The following TDRP variants were observed in gnomAD, a reference collection of about 807,000 sequenced individuals.
TDRP encodes the protein testis development related protein.
A neutral mutation model predicts 10.5 loss-of-function variants in TDRP; 12 were observed. That is an observed-to-expected ratio of 1.15 (90% CI 0.73 to 1.86). The LOEUF is 1.86. Ranked by LOEUF, TDRP falls within the 40% of genes most tolerant of loss-of-function variation. The pLI, the probability that TDRP is intolerant of heterozygous loss-of-function variation, is 0.00. For missense variants in TDRP, 353 were observed against 229.2 expected (o/e 1.54, Z -3.49); for synonymous variants, 139 against 95.4 (o/e 1.46, Z -2.67).
At chr8:515,571 C>T (rs1801735736) in intron 1 of TDRP, among the ~76,000 whole-genome samples, 1 of 152,200 alleles carries the variant, frequency 6.6e-6, no homozygotes, top group Non-Finnish European at 1.5e-5. Context: ...GAGCATTTCA[C>T]ATTTTTAGAT....
intron 1 of TDRP, among the ~76,000 whole-genome samples, chr8:529,854 T>A (rs1254456245): frequency 6.6e-6 from 1 of 152,216 alleles, no homozygotes; most frequent in Non-Finnish European, 1.5e-5. Context: ...GTGGGCTTCT[T>A]TACCCTTTCT....
chr8:496,377 G>A (rs915085077), intron 1 of TDRP, among the ~76,000 whole-genome samples: 1 of 152,182 alleles, frequency 6.6e-6, no homozygotes, highest in Non-Finnish European at 1.5e-5. Flanking sequence ...CTGGAGGAAG[G>A]ACCATGTGCA....
At chr8:537,164 G>A (rs1449942284) in intron 1 of TDRP, among the ~76,000 whole-genome samples, 1 of 152,216 alleles carries the variant, frequency 6.6e-6, no homozygotes, top group African/African-American at 2.4e-5. Context: ...GCACTGCTGA[G>A]CCCCACGTGG....
At position 491,359 on chromosome 8, in the gene TDRP, C is replaced by T. The variant is rs924192912; in HGVS notation, c.*1040G>A. ...TGCAGGACTTGCTGATAAGAGCCAA[C>T]CTTCCAGGGACGCATAACTGGCACC... is the stretch of plus-strand genomic sequence containing the variant. On this transcript the variant is annotated 3_prime_UTR_variant, in exon 3 of 3. Coordinates refer to ENST00000324079, the MANE Select transcript of TDRP (RefSeq NM_001384899.1). The T allele has an allele frequency of 1.4e-5, 5 of 365,080 alleles. No individual in the cohort carries two copies. Among genetic ancestry groups the T allele is most frequent in the African/African-American group, 2.1e-5 (1 of 47,984 alleles). The allele number at this position is 365,080 out of a possible 1,614,324, so 22.6% of individuals were successfully genotyped here.
chr8:543,990 T>A (rs1802568895), intron 1 of TDRP, among the ~76,000 whole-genome samples: 1 of 152,066 alleles, frequency 6.6e-6, no homozygotes, highest in Non-Finnish European at 1.5e-5. Context: ...GGGAGCCCTT[T>A]CAATTACAAA....
chr8:512,275 A>ACAAC (rs928496652), intron 1 of TDRP, among the ~76,000 whole-genome samples: 3 of 137,848 alleles, frequency 2.2e-5, no homozygotes, highest in African/African-American at 5.5e-5. Context: ...AACAACAACA[A>ACAAC]AAAAAAAAAT....
intron 1 of TDRP, among the ~76,000 whole-genome samples, chr8:518,749 T>C (rs889822134): frequency 2.2e-5 from 3 of 133,530 alleles, no homozygotes; most frequent in African/African-American, 5.5e-5. Context: ...GAAAAGTAAA[T>C]AGATTCCACC....
chr8:503,705 C>A lies in TDRP; in HGVS notation c.109-9108G>T, dbSNP rs554580145. ...GAATCCACGCCCACATCAGCACACA[C>A]CAGCATGGAATCCAGAGCTACACAT... On this transcript the variant is annotated intron_variant, in intron 1 of 2. Coordinates refer to ENST00000324079, the MANE Select transcript of TDRP (RefSeq NM_001384899.1). Among the ~76,000 whole-genome samples, 146 of 141,916 alleles carry A rather than the reference C, an allele frequency of 1.0e-3. 3 individuals carry two copies. In the South Asian group the frequency reaches 0.033, roughly 32 times the overall value. The allele number at this position is 141,916 out of a possible 152,430, so 93.1% of individuals were successfully genotyped here.
intron 1 of TDRP, among the ~76,000 whole-genome samples, chr8:513,353 T>C (rs1038138951): frequency 8.5e-5 from 13 of 152,106 alleles, no homozygotes; most frequent in Non-Finnish European, 1.6e-4. Flanking sequence ...GAAAGAAAGG[T>C]TAGCTCAACA....
Position 491,853 on chromosome 8 carries a change from T to C in TDRP, c.*546A>G, listed in dbSNP as rs201418126. ...TTAAGATACATTTTACTCCCAAATA[T>C]AAGCTTTGCTTTTCCAGTATTTGTT... On this transcript the variant is annotated 3_prime_UTR_variant, in exon 3 of 3. Coordinates refer to ENST00000324079, the MANE Select transcript of TDRP (RefSeq NM_001384899.1). 5 of 1,221,136 alleles carry C rather than the reference T, an allele frequency of 4.1e-6. No individual in the cohort carries two copies. In the East Asian group the frequency reaches 1.7e-4, roughly 41 times the overall value. The allele number at this position is 1,221,136 out of a possible 1,614,324, so 75.6% of individuals were successfully genotyped here.
At position 509,051 on chromosome 8, in the gene TDRP, C is replaced by G. The variant is rs138227005; in HGVS notation, c.109-14454G>C. On this transcript the variant is annotated intron_variant, in intron 1 of 2. Transcript: ENST00000324079. ...ATCTCCTTTGACTCCATGTCTCACA[C>G]AACCAGCTCGTGCTGATGCAAGAGA... Among the ~76,000 whole-genome samples, 493 of 152,368 alleles carry G rather than the reference C, an allele frequency of 3.2e-3. 3 individuals are homozygous for G. Among genetic ancestry groups the G allele is most frequent in the African/African-American group, 0.011 (465 of 41,594 alleles).
In TDRP at chr8:492,683, A is replaced by C. The variant is rs755887307; in HGVS notation, c.274T>G (p.Leu92Val). The C allele has an allele frequency of 4.3e-6, 7 of 1,613,858 alleles. No homozygotes were observed. In the South Asian group the frequency reaches 7.7e-5, roughly 18 times the overall value. The change falls in exon 3 of 3, where the codon TTG (leucine) becomes GTG (valine). Residue 92 changes from leucine to valine, a missense_variant. Leu to Val is a conservative substitution (Grantham distance 32). Transcript: ENST00000324079. ...GACTGTATATTCTGTTTTAAAACCA[A>C]ATTGTCCCAAAATCCAGATTTCTTC... ...AEKKSGFWDNLVLKQNIQSKK... is the reference protein window; with the variant it reads ...AEKKSGFWDNVVLKQNIQSKK...
At chr8:497,285 T>C (rs1801161512) in intron 1 of TDRP, among the ~76,000 whole-genome samples, 1 of 152,204 alleles carries the variant, frequency 6.6e-6, no homozygotes. Context: ...CAGGATTAGG[T>C]AGTCTCAAAT....
At chr8:513,936 A>G (rs1404623529) in intron 1 of TDRP, among the ~76,000 whole-genome samples, 2 of 152,234 alleles carry the variant, frequency 1.3e-5, no homozygotes, top group African/African-American at 4.8e-5. Flanking sequence ...AATATGCTTA[A>G]AATGTTTAAA....
chr8:519,614 TTCTC>T (rs1801845643), intron 1 of TDRP, among the ~76,000 whole-genome samples: 1 of 152,156 alleles, frequency 6.6e-6, no homozygotes, highest in Non-Finnish European at 1.5e-5. Flanking sequence ...CCATTCTGCT[TTCTC>T]TAAGAGTTTG....
At chr8:537,134 C>T (rs1236388212) in intron 1 of TDRP, among the ~76,000 whole-genome samples, 4 of 152,228 alleles carry the variant, frequency 2.6e-5, no homozygotes, top group Non-Finnish European at 5.9e-5. Flanking sequence ...AACCCCACAC[C>T]AGGTACACTC....
intron 1 of TDRP, among the ~76,000 whole-genome samples, chr8:501,615 GGGATTACA>G (rs1801303704): frequency 6.6e-6 from 1 of 152,174 alleles, no homozygotes; most frequent in Non-Finnish European, 1.5e-5. Flanking sequence ...CCAAAGTGCT[GGGATTACA>G]GGCGTGAGAC....
intron 1 of TDRP, among the ~76,000 whole-genome samples, chr8:521,712 T>G (rs1801910644): frequency 6.6e-6 from 1 of 152,206 alleles, no homozygotes. Context: ...CAAGATTGTT[T>G]TAGCTATTCA....
At chr8:507,958 A>C (rs1227979491) in intron 1 of TDRP, among the ~76,000 whole-genome samples, 1 of 152,226 alleles carries the variant, frequency 6.6e-6, no homozygotes, top group Non-Finnish European at 1.5e-5. Flanking sequence ...GTTTCAACAG[A>C]AAGTTTTGAG....
Sources: allele counts gnomAD v4.1 joint callset (sites outside exome capture counted in the v4.1 genomes callset), GRCh38; gene constraint gnomAD v4.1.1; transcripts MANE v1.5; gene names NCBI Gene and HGNC (gene_info 2026-07-23, HGNC 2026-07-21).